The following ITPR2 variants were observed in gnomAD, a reference collection of about 807,000 sequenced individuals.
ITPR2 encodes inositol 1,4,5-trisphosphate-gated calcium channel ITPR2.
In ITPR2, 207 loss-of-function variants were observed where a neutral mutation model predicts 317.1. That is an observed-to-expected ratio of 0.65 (90% CI 0.58 to 0.73). The LOEUF is 0.73. Ranked by LOEUF, ITPR2 falls within the 30% of genes least tolerant of loss-of-function variation. The pLI, the probability that ITPR2 is intolerant of heterozygous loss-of-function variation, is 0.00. For missense variants in ITPR2, 2,613 were observed against 3,284.0 expected (o/e 0.80, Z 4.99); for synonymous variants, 1,156 against 1,149.1 (o/e 1.01, Z -0.12).
chr12:26,740,268 A>G (rs1048587033), intron 2 of ITPR2, among the ~76,000 whole-genome samples: 1 of 152,222 alleles, frequency 6.6e-6, no homozygotes, highest in East Asian at 1.9e-4. Flanking sequence ...GAGGGTCCCA[A>G]CGAACAAAAT....
At chr12:26,578,174 T>TTCTCTC (rs140732351) in intron 34 of ITPR2, among the ~76,000 whole-genome samples, 4 of 147,224 alleles carry the variant, frequency 2.7e-5, no homozygotes, top group African/African-American at 9.8e-5. Context: ...CTTATTAACT[T>TTCTCTC]TCTCTCTCTC....
intron 55 of ITPR2, among the ~76,000 whole-genome samples, chr12:26,383,535 G>A (rs536662070): frequency 1.3e-4 from 19 of 151,972 alleles, no homozygotes; most frequent in Non-Finnish European, 2.6e-4. Flanking sequence ...CCAGGCTGGA[G>A]GGCAGTGGCG....
At chr12:26,527,480 C>CA (rs1296477118) in intron 37 of ITPR2, among the ~76,000 whole-genome samples, 6 of 152,192 alleles carry the variant, frequency 3.9e-5, no homozygotes, top group African/African-American at 1.4e-4. Context: ...CCTTTCAGTT[C>CA]AGGTATACTG....
intron 37 of ITPR2, among the ~76,000 whole-genome samples, chr12:26,509,661 T>C (rs1219507034): frequency 6.6e-6 from 1 of 152,124 alleles, no homozygotes; most frequent in African/African-American, 2.4e-5. Context: ...AAACATGAAA[T>C]TGTATGTGTC....
rs59023216 is a variant in ITPR2 at position 26,336,994 on chromosome 12, T to TTG, written c.*2402_*2403insCA. On this transcript the variant is annotated 3_prime_UTR_variant, in exon 57 of 57. Transcript: ENST00000381340. Reference sequence around the variant, plus strand: ...TTTTTGTTGCTGTTTTTTTTTTTTTTGCTTTATAATTTCTAAGCATTTAGG... The same window carrying TTG: ...TTTTTGTTGCTGTTTTTTTTTTTTTTTGGCTTTATAATTTCTAAGCATTTAGG... 6.8e-6 allele frequency: 1 copy of TTG among 148,078 alleles called. No homozygotes were observed. The highest frequency in any genetic ancestry group is 1.5e-5 in the Non-Finnish European group (1 of 66,510). 9.2% of individuals were successfully genotyped at this position (148,078 alleles called of 1,614,324 possible). A position where few individuals can be genotyped will look rare whatever the true frequency, so the allele number is the denominator to read the frequency against.
intron 46 of ITPR2, among the ~76,000 whole-genome samples, chr12:26,440,885 T>C (rs1007652791): frequency 6.6e-6 from 1 of 152,158 alleles, no homozygotes; most frequent in African/African-American, 2.4e-5. Flanking sequence ...ATGGACAAAC[T>C]GGAGGGATTA....
intron 36 of ITPR2, among the ~76,000 whole-genome samples, chr12:26,550,606 T>C (rs1190196099): frequency 2.0e-5 from 3 of 152,136 alleles, no homozygotes; most frequent in African/African-American, 2.4e-5. Flanking sequence ...TTTAGTGGGA[T>C]ACAATACTCT....
intron 55 of ITPR2, among the ~76,000 whole-genome samples, chr12:26,365,795 A>AT (rs1938990095): frequency 1.3e-5 from 2 of 152,270 alleles, no homozygotes; most frequent in Non-Finnish European, 2.9e-5. Flanking sequence ...TTTAAACACA[A>AT]AAGCCAATGA....
At chr12:26,357,662 G>GGGCA (rs1271575874) in intron 55 of ITPR2, among the ~76,000 whole-genome samples, 2 of 152,260 alleles carry the variant, frequency 1.3e-5, no homozygotes, top group Non-Finnish European at 2.9e-5. Flanking sequence ...ATCGGACATA[G>GGGCA]GGCAGTATTG....
intron 51 of ITPR2, among the ~76,000 whole-genome samples, chr12:26,412,119 A>G (rs12311194): frequency 0.036 from 5,510 of 152,308 alleles, 288 homozygotes; most frequent in African/African-American, 0.12. Context: ...CCATAGAGCC[A>G]TCGAGGGAAG....
intron 39 of ITPR2, among the ~76,000 whole-genome samples, chr12:26,492,800 T>C (rs1942837814): frequency 6.6e-6 from 1 of 152,036 alleles, no homozygotes; most frequent in Non-Finnish European, 1.5e-5. Context: ...TATTTCCAAA[T>C]AGCTGAAAGA....
intron 37 of ITPR2, among the ~76,000 whole-genome samples, chr12:26,515,602 T>G (rs973889649): frequency 2.0e-5 from 3 of 151,392 alleles, no homozygotes; most frequent in Non-Finnish European, 2.9e-5. Flanking sequence ...AGAAGACACA[T>G]AAGAGCTGCC....
chr12:26,414,076 C>CACAG (rs1940644273), intron 51 of ITPR2, among the ~76,000 whole-genome samples: 1 of 151,766 alleles, frequency 6.6e-6, no homozygotes, highest in Non-Finnish European at 1.5e-5. Flanking sequence ...CACACACACA[C>CACAG]ACACACACAC....
At chr12:26,539,489 G>C (rs2136978554) in intron 37 of ITPR2, among the ~76,000 whole-genome samples, 1 of 152,086 alleles carries the variant, frequency 6.6e-6, no homozygotes, top group South Asian at 2.1e-4. Context: ...TTTGTAGCCT[G>C]GCTCTCTTGC....
intron 37 of ITPR2, among the ~76,000 whole-genome samples, chr12:26,495,839 A>G (rs1004880220): frequency 6.6e-6 from 1 of 152,310 alleles, no homozygotes; most frequent in Middle Eastern, 3.4e-3. Flanking sequence ...CCAGAAAAAG[A>G]GTGGGGAACA....
intron 54 of ITPR2, among the ~76,000 whole-genome samples, chr12:26,398,505 C>T (rs1180927343): frequency 6.6e-6 from 1 of 152,192 alleles, no homozygotes; most frequent in Non-Finnish European, 1.5e-5. Flanking sequence ...GTTCAAGATG[C>T]TGAAAAATCA....
rs766323263 is a variant in ITPR2, at chr12:26,599,288, C to T, written c.3859G>A (p.Glu1287Lys). Reference protein sequence around the residue: ...IFMNNYHLCNEISERVVQHFV... With the variant: ...IFMNNYHLCNKISERVVQHFV... ...TGTTGTACAACTCTCTCGCTAATTT[C>T]GTTGCACAGATGGTAATTGTTCATG... Residue 1287 changes from glutamate to lysine, a missense_variant, in exon 30 of 57, where the codon GAA becomes AAA. Coordinates refer to ENST00000381340, the MANE Select transcript of ITPR2 (RefSeq NM_002223.4). 6 of 1,614,062 alleles carry T rather than the reference C, an allele frequency of 3.7e-6. No homozygotes were observed. Among genetic ancestry groups the T allele is most frequent in the East Asian group, 2.2e-5 (1 of 44,884 alleles).
chr12:26,649,527 T>C (rs1310003242), intron 21 of ITPR2: 1 of 152,188 alleles, frequency 6.6e-6, no homozygotes, highest in Non-Finnish European at 1.5e-5. Flanking sequence ...AGTTGTCATG[T>C]CTCTTTAATC....
intron 2 of ITPR2, among the ~76,000 whole-genome samples, chr12:26,761,397 C>A (rs963243292): frequency 5.3e-5 from 8 of 152,192 alleles, no homozygotes; most frequent in African/African-American, 1.7e-4. Context: ...ATCAGGGAAA[C>A]ACAAAACCAC....
Sources: allele counts gnomAD v4.1 joint callset (sites outside exome capture counted in the v4.1 genomes callset), GRCh38; gene constraint gnomAD v4.1.1; transcripts MANE v1.5; gene names NCBI Gene and HGNC (gene_info 2026-07-23, HGNC 2026-07-21).